GABRB3: variants seen among roughly 807,000 people sequenced by gnomAD.
GABRB3 encodes gamma-aminobutyric acid receptor subunit beta-3.
A neutral mutation model predicts 52.1 loss-of-function variants in GABRB3; 14 were observed. The ratio of observed to expected loss-of-function variants is 0.27; its 90% CI spans 0.18 to 0.42. The LOEUF is 0.42. GABRB3 is among the 10% of genes least tolerant of loss of function. The pLI is 1.00. For synonymous variants in GABRB3, 260 were observed against 232.3 expected (o/e 1.12, Z -1.08); for missense variants, 307 against 609.1 (o/e 0.50, Z 5.22).
intron 3 of GABRB3, among the ~76,000 whole-genome samples, chr15:26,761,922 C>A (rs1027998234): frequency 2.0e-5 from 3 of 152,138 alleles, no homozygotes; most frequent in Non-Finnish European, 4.4e-5. Context: ...GCAGCCTCTG[C>A]CTCCCGGGTT....
At chr15:26,730,844 G>A (rs922889055) in intron 3 of GABRB3, among the ~76,000 whole-genome samples, 5 of 152,166 alleles carry the variant, frequency 3.3e-5, no homozygotes, top group Admixed American at 3.3e-4. Flanking sequence ...GTAAAACAGG[G>A]TTAAGAGTGA....
chr15:26,549,039 C>T (rs1889362614), intron 8 of GABRB3, among the ~76,000 whole-genome samples: 2 of 152,204 alleles, frequency 1.3e-5, no homozygotes, highest in Non-Finnish European at 2.9e-5. Context: ...TCTCTCTTCC[C>T]TTTCTTTGCC....
chr15:26,635,307 G>C (rs996698391), intron 3 of GABRB3, among the ~76,000 whole-genome samples: 1 of 151,840 alleles, frequency 6.6e-6, no homozygotes, highest in African/African-American at 2.4e-5. Flanking sequence ...ACTGTGAGAC[G>C]TGTATCAGGC....
chr15:26,578,596 C>T (rs181916463), intron 6 of GABRB3, among the ~76,000 whole-genome samples: 12 of 152,340 alleles, frequency 7.9e-5, no homozygotes, highest in African/African-American at 2.6e-4. Context: ...TGGTCCCCCA[C>T]GGAAGCAGCA....
intron 4 of GABRB3, among the ~76,000 whole-genome samples, chr15:26,617,598 C>A (rs1203123744): frequency 2.0e-5 from 3 of 151,950 alleles, no homozygotes; most frequent in Non-Finnish European, 4.4e-5. Context: ...CCTTTGAAAA[C>A]TGGCACAAGA....
At chr15:26,719,494 A>G (rs1180622839) in intron 3 of GABRB3, among the ~76,000 whole-genome samples, 4 of 152,262 alleles carry the variant, frequency 2.6e-5, no homozygotes, top group Non-Finnish European at 5.9e-5. Flanking sequence ...ACACTTTAAT[A>G]GGCTCAATTT....
In GABRB3 at chr15:26,689,500, G is replaced by A. The variant is rs148883569; in HGVS notation, c.241-67966C>T. 3.9e-5 allele frequency among the ~76,000 whole-genome samples: 6 copies of A among 152,132 alleles called. No individual in the cohort carries two copies. In the East Asian group the frequency reaches 7.8e-4, roughly 20 times the overall value. On this transcript the variant is annotated intron_variant, in intron 3 of 8. Transcript: ENST00000311550. ...TGTTTATTAAGCTATGAGGAGTCACGAATATTTATGCAAGGAGAAACATTA... is the reference window on the plus strand; with the variant it reads ...TGTTTATTAAGCTATGAGGAGTCACAAATATTTATGCAAGGAGAAACATTA...
chr15:26,707,951 A>G (rs28663490), intron 3 of GABRB3, among the ~76,000 whole-genome samples: 3,486 of 152,288 alleles, frequency 0.023, 135 homozygotes, highest in African/African-American at 0.08. Flanking sequence ...TATCTGCATT[A>G]TATCAATTGA....
intron 6 of GABRB3, among the ~76,000 whole-genome samples, chr15:26,579,234 C>T (rs1360490961): frequency 1.3e-5 from 2 of 152,204 alleles, no homozygotes; most frequent in African/African-American, 2.4e-5. Context: ...GACGCAGGTC[C>T]CTCCTCAGGG....
At chr15:26,732,920 C>T (rs945642530) in intron 3 of GABRB3, among the ~76,000 whole-genome samples, 2 of 151,854 alleles carry the variant, frequency 1.3e-5, no homozygotes, top group African/African-American at 4.8e-5. Flanking sequence ...ATTCCTTGAG[C>T]CCGGGAGTTT....
chr15:26,601,045 T>A (rs1361553786), intron 4 of GABRB3, among the ~76,000 whole-genome samples: 1 of 152,094 alleles, frequency 6.6e-6, no homozygotes, highest in Non-Finnish European at 1.5e-5. Flanking sequence ...CAGCTTCAAA[T>A]GAGATGCTGT....
intron 4 of GABRB3, among the ~76,000 whole-genome samples, chr15:26,596,605 C>T (rs72702159): frequency 1.3e-5 from 2 of 151,814 alleles, no homozygotes; most frequent in African/African-American, 4.8e-5. Context: ...GAATATCAAC[C>T]CTTTCAGGTA....
chr15:26,558,706 C>T (rs1889850613), intron 8 of GABRB3, among the ~76,000 whole-genome samples: 1 of 152,042 alleles, frequency 6.6e-6, no homozygotes, highest in African/African-American at 2.4e-5. Context: ...AGTTGGAGAC[C>T]AGCCTGGCCA....
intron 3 of GABRB3, among the ~76,000 whole-genome samples, chr15:26,742,736 C>G (rs1245462561): frequency 6.6e-6 from 1 of 152,116 alleles, no homozygotes; most frequent in Admixed American, 6.5e-5. Context: ...TAAGGAAAGT[C>G]CTGTAATTCA....
chr15:26,601,411 A>G (rs1419659880), intron 4 of GABRB3, among the ~76,000 whole-genome samples: 1 of 146,406 alleles, frequency 6.8e-6, no homozygotes, highest in Non-Finnish European at 1.5e-5. Context: ...CTCCGTCTCA[A>G]AGAAAAAAAA....
At chr15:26,758,862 A>C (rs1157342572) in intron 3 of GABRB3, among the ~76,000 whole-genome samples, 2 of 152,218 alleles carry the variant, frequency 1.3e-5, no homozygotes, top group Non-Finnish European at 2.9e-5. Flanking sequence ...AGCGCAAATG[A>C]CTTATTTACT....
intron 3 of GABRB3, among the ~76,000 whole-genome samples, chr15:26,678,554 G>T (rs1414085071): frequency 6.6e-6 from 1 of 151,968 alleles, no homozygotes; most frequent in Non-Finnish European, 1.5e-5. Context: ...GAGAGAGAGA[G>T]AATGAGAGTG....
At chr15:26,643,079 C>T (rs1350741382) in intron 3 of GABRB3, among the ~76,000 whole-genome samples, 1 of 152,190 alleles carries the variant, frequency 6.6e-6, no homozygotes, top group Non-Finnish European at 1.5e-5. Flanking sequence ...TAGACTGTCT[C>T]CTCCATTCTG....
chr15:26,741,045 AGT>A (rs55860555), intron 3 of GABRB3, among the ~76,000 whole-genome samples: 56 of 55,298 alleles, frequency 1.0e-3, no homozygotes, highest in African/African-American at 2.0e-3. Flanking sequence ...GGGAGGAATA[AGT>A]GTGTGTGTGT....
Sources: gnomAD v4.1 joint callset for allele counts (sites outside exome capture counted in the v4.1 genomes callset) on GRCh38, gnomAD v4.1.1 for gene constraint, MANE v1.5 for transcripts, NCBI Gene and HGNC (gene_info 2026-07-23, HGNC 2026-07-21) for gene names.